Variants in GRK3 observed in about 807,000 individuals in gnomAD.
The protein encoded by GRK3 is G protein-coupled receptor kinase 3.
A neutral mutation model predicts 95.7 loss-of-function variants in GRK3; 54 were observed. The ratio of observed to expected loss-of-function variants is 0.56; its 90% CI spans 0.45 to 0.71. The LOEUF (loss-of-function observed/expected upper bound fraction) is 0.71. Ranked by LOEUF, GRK3 falls within the 30% of genes least tolerant of loss-of-function variation. The pLI, the probability that GRK3 is intolerant of heterozygous loss-of-function variation, is 0.00. For missense variants in GRK3, 649 were observed against 851.2 expected (o/e 0.76, Z 2.96); for synonymous variants, 281 against 290.8 (o/e 0.97, Z 0.34).
intron 12 of GRK3, among the ~76,000 whole-genome samples, chr22:25,693,245 C>A (rs1004619150): frequency 6.6e-6 from 1 of 152,172 alleles, no homozygotes; most frequent in Non-Finnish European, 1.5e-5. Context: ...TAGCAGAATG[C>A]GTCAGGAAGC....
chr22:25,579,501 C>T (rs1406522438), intron 1 of GRK3, among the ~76,000 whole-genome samples: 1 of 150,618 alleles, frequency 6.6e-6, no homozygotes, highest in Non-Finnish European at 1.5e-5. Flanking sequence ...GAGATGGTGT[C>T]TCACTCTGTC....
chr22:25,680,217 G>T (rs2085063966), intron 9 of GRK3, among the ~76,000 whole-genome samples: 1 of 152,184 alleles, frequency 6.6e-6, no homozygotes, highest in Admixed American at 6.5e-5. Flanking sequence ...CTAATTATGT[G>T]CCTTGACCTC....
chr22:25,692,362 G>T (rs891600571), intron 12 of GRK3, among the ~76,000 whole-genome samples: 6 of 152,240 alleles, frequency 3.9e-5, no homozygotes, highest in Admixed American at 1.3e-4. Context: ...CTTCCTAGTT[G>T]TGTCAGCCTC....
At chr22:25,592,497 T>C (rs919532341) in intron 1 of GRK3, among the ~76,000 whole-genome samples, 1 of 152,166 alleles carries the variant, frequency 6.6e-6, no homozygotes, top group African/African-American at 2.4e-5. Context: ...AATTTATCAG[T>C]TTTTCTCTTA....
Position 25,704,225 on chromosome 22 carries a change from T to A in GRK3, c.1328+16T>A, listed in dbSNP as rs1425783674. 6.3e-7 allele frequency: 1 copy of A among 1,592,988 alleles called. No homozygotes were observed. Among genetic ancestry groups the A allele is most frequent in the Non-Finnish European group, 8.6e-7 (1 of 1,162,846 alleles). On this transcript the variant is annotated intron_variant, in intron 15 of 20. Coordinates refer to ENST00000324198, the MANE Select transcript of GRK3 (RefSeq NM_005160.4). ...ACGGAGGCGGGTAGGCCATTGTTCC[T>A]GCCTTTCGGTATCTTTACCAGAAGA...
chr22:25,631,950 A>G (rs1220285780), intron 2 of GRK3, among the ~76,000 whole-genome samples: 1 of 152,220 alleles, frequency 6.6e-6, no homozygotes, highest in Non-Finnish European at 1.5e-5. Context: ...GATGCATCGC[A>G]GTTGGTTTAT....
intron 1 of GRK3, among the ~76,000 whole-genome samples, chr22:25,576,772 T>C (rs1931916917): frequency 6.6e-6 from 1 of 152,202 alleles, no homozygotes; most frequent in South Asian, 2.1e-4. Context: ...CTCATGGATT[T>C]GACTAGAGGA....
Position 25,702,551 on chromosome 22 carries a change from A to G in GRK3, c.1161-959A>G, listed in dbSNP as rs527652810. On this transcript the variant is annotated intron_variant, in intron 13 of 20. Transcript: ENST00000324198. ...TAATTTTCAAAATGAAAAATAAACC[A>G]TGGTAATTTAGTTTGCATATTTAAT... Among the ~76,000 whole-genome samples, 20 of 152,336 alleles carry G rather than the reference A, an allele frequency of 1.3e-4. No homozygotes were observed. In the East Asian group the frequency reaches 3.1e-3, roughly 24 times the overall value.
At chr22:25,699,386 G>A (rs113187225) in intron 13 of GRK3, among the ~76,000 whole-genome samples, 4,471 of 152,152 alleles carry the variant, frequency 0.029, 87 homozygotes, top group African/African-American at 0.051. Context: ...CACTCCTGGG[G>A]CGCCTGTCCT....
At chr22:25,659,999 C>T (rs1407583324) in intron 3 of GRK3, among the ~76,000 whole-genome samples, 1 of 152,148 alleles carries the variant, frequency 6.6e-6, no homozygotes, top group Non-Finnish European at 1.5e-5. Context: ...ATCATCATTC[C>T]ATGAAGTCTT....
chr22:25,640,814 C>A (rs1344956431), intron 2 of GRK3, among the ~76,000 whole-genome samples: 1 of 152,116 alleles, frequency 6.6e-6, no homozygotes, highest in Non-Finnish European at 1.5e-5. Flanking sequence ...TGCAGTGGTT[C>A]AAATATAGCA....
At chr22:25,685,089 T>C (rs979729640) in intron 9 of GRK3, 81 bp from the exon 10 acceptor site, 6 of 869,910 alleles carry the variant, frequency 6.9e-6, no homozygotes, top group Non-Finnish European at 9.5e-6. Context: ...ATTTTAAAAA[T>C]ATGTAGCATG....
intron 2 of GRK3, among the ~76,000 whole-genome samples, chr22:25,618,436 A>T (rs2084556323): frequency 6.6e-6 from 1 of 152,208 alleles, no homozygotes; most frequent in Admixed American, 6.5e-5. Flanking sequence ...TGCATGGTAC[A>T]TCTCTTCTCC....
chr22:25,649,960 G>A (rs2084816700), intron 3 of GRK3, among the ~76,000 whole-genome samples: 1 of 151,688 alleles, frequency 6.6e-6, no homozygotes, highest in Non-Finnish European at 1.5e-5. Context: ...GAAGGTAACT[G>A]GAAAGTGACT....
At chr22:25,714,035 A>G (rs1210420246) in intron 17 of GRK3, among the ~76,000 whole-genome samples, 1 of 152,224 alleles carries the variant, frequency 6.6e-6, no homozygotes, top group Non-Finnish European at 1.5e-5. Context: ...CTACCTATAT[A>G]AACAAAATAT....
rs1435166180 is a variant in GRK3 at position 25,722,582 on chromosome 22, C to T, written c.*132C>T. 1.3e-5 allele frequency: 11 copies of T among 865,472 alleles called. No individual in the cohort carries two copies. The highest frequency in any genetic ancestry group is 5.6e-5 in the South Asian group (3 of 53,342). 53.6% of individuals were successfully genotyped at this position (865,472 alleles called of 1,614,324 possible). A position where few individuals can be genotyped will look rare whatever the true frequency, so the allele number is the denominator to read the frequency against. On this transcript the variant is annotated 3_prime_UTR_variant, in exon 21 of 21. Coordinates refer to ENST00000324198, the MANE Select transcript of GRK3 (RefSeq NM_005160.4). ...GCTCCCGAGAGGAGTCGGGACCCTT[C>T]GGCTTGGGGTCAGCTCAGCTCCCTG...
intron 1 of GRK3, among the ~76,000 whole-genome samples, chr22:25,589,561 T>G (rs1427425961): frequency 6.6e-6 from 1 of 152,170 alleles, no homozygotes; most frequent in African/African-American, 2.4e-5. Context: ...ACTCTTATTT[T>G]GGTGAGGAGG....
intron 2 of GRK3, among the ~76,000 whole-genome samples, chr22:25,608,474 G>A (rs539731039): frequency 2.3e-4 from 35 of 152,262 alleles, no homozygotes; most frequent in African/African-American, 8.4e-4. Context: ...TGTCCGAGTG[G>A]GCTTAATCTA....
chr22:25,725,872 C>T lies in GRK3; in HGVS notation c.*3422C>T. On this transcript the variant is annotated 3_prime_UTR_variant, in exon 21 of 21. Coordinates refer to ENST00000324198, the MANE Select transcript of GRK3 (RefSeq NM_005160.4). ...GCTGAGGCAGGAGAATGGCATGAAC[C>T]CGGGAGGCAGAGCTTGCAGTGAGCC... 6.7e-6 allele frequency: 2 copies of T among 299,500 alleles called. No homozygotes were observed. The highest frequency in any genetic ancestry group is 6.1e-6 in the Non-Finnish European group (1 of 163,898). 18.6% of individuals were successfully genotyped at this position (299,500 alleles called of 1,614,324 possible).
Sources: gnomAD v4.1 joint callset for allele counts (sites outside exome capture counted in the v4.1 genomes callset) on GRCh38, gnomAD v4.1.1 for gene constraint, MANE v1.5 for transcripts, NCBI Gene and HGNC (gene_info 2026-07-23, HGNC 2026-07-21) for gene names.